ZNF385D: variants seen among roughly 807,000 people sequenced by gnomAD.
The protein encoded by ZNF385D is zinc finger protein 385D.
ZNF385D carries 15 observed loss-of-function variants against 35.8 expected under a neutral mutation model. That is an observed-to-expected ratio of 0.42 (90% CI 0.28 to 0.64). ZNF385D has a LOEUF of 0.64. Ranked by LOEUF, ZNF385D falls within the 30% of genes least tolerant of loss-of-function variation. ZNF385D has a pLI of 0.23. For missense variants in ZNF385D, 474 were observed against 494.6 expected (o/e 0.96, Z 0.39); for synonymous variants, 212 against 186.8 (o/e 1.13, Z -1.10).
intron 2 of ZNF385D, among the ~76,000 whole-genome samples, chr3:21,596,220 A>T (rs1017966262): frequency 6.6e-6 from 1 of 152,202 alleles, no homozygotes; most frequent in African/African-American, 2.4e-5. Flanking sequence ...AGGGAAGAGG[A>T]TTAATTTGAG....
chr3:21,795,936 T>A (rs2072129523), intron 3 of ZNF385D, among the ~76,000 whole-genome samples: 1 of 152,202 alleles, frequency 6.6e-6, no homozygotes, highest in Admixed American at 6.5e-5. Context: ...GCTACAAAGG[T>A]AAGTAAAAGA....
intron 1 of ZNF385D, among the ~76,000 whole-genome samples, chr3:21,738,829 T>C (rs1403552354): frequency 6.6e-6 from 1 of 152,206 alleles, no homozygotes; most frequent in Non-Finnish European, 1.5e-5. Flanking sequence ...TTATGTTGGG[T>C]CCTTTCTGCA....
At chr3:21,739,382 G>A (rs547498404) in intron 1 of ZNF385D, among the ~76,000 whole-genome samples, 34 of 152,314 alleles carry the variant, frequency 2.2e-4, no homozygotes, top group Non-Finnish European at 4.0e-4. Flanking sequence ...TTGACTGTGT[G>A]TGTTGTTTTA....
intron 2 of ZNF385D, among the ~76,000 whole-genome samples, chr3:22,282,921 G>C (rs373508979): frequency 6.6e-6 from 1 of 152,128 alleles, no homozygotes; most frequent in South Asian, 2.1e-4. Flanking sequence ...CACCAATCAA[G>C]TATCTGCTAT....
chr3:21,667,998 T>C (rs2066457442), intron 1 of ZNF385D, among the ~76,000 whole-genome samples: 1 of 152,192 alleles, frequency 6.6e-6, no homozygotes, highest in African/African-American at 2.4e-5. Flanking sequence ...TCTTCTCACC[T>C]GTTGGAAGAG....
chr3:21,886,205 C>G (rs1698538531), intron 3 of ZNF385D, among the ~76,000 whole-genome samples: 1 of 152,030 alleles, frequency 6.6e-6, no homozygotes, highest in South Asian at 2.1e-4. Flanking sequence ...AGTGGTCTGC[C>G]TATTTCATCC....
chr3:21,493,603 A>G (rs745728009), intron 4 of ZNF385D, among the ~76,000 whole-genome samples: 1 of 151,900 alleles, frequency 6.6e-6, no homozygotes, highest in African/African-American at 2.4e-5. Flanking sequence ...TTTATGGGCC[A>G]TGAACAAATC....
At chr3:21,450,506 G>A (rs17273460) in intron 4 of ZNF385D, among the ~76,000 whole-genome samples, 42,178 of 151,976 alleles carry the variant, frequency 0.28, 6,484 homozygotes, top group East Asian at 0.43. Flanking sequence ...AGTTGCTGGG[G>A]GAAAAAGAAA....
chr3:21,545,756 C>T (rs2062349790), intron 3 of ZNF385D, among the ~76,000 whole-genome samples: 1 of 152,122 alleles, frequency 6.6e-6, no homozygotes, highest in Admixed American at 6.5e-5. Flanking sequence ...TGGCCTGAGA[C>T]CCTCCTCTAC....
intron 3 of ZNF385D, among the ~76,000 whole-genome samples, chr3:21,992,240 A>G (rs1347891315): frequency 1.3e-5 from 2 of 152,174 alleles, no homozygotes; most frequent in African/African-American, 4.8e-5. Context: ...AGTAGAAGTC[A>G]AAGATCAGAA....
chr3:22,141,244 G>A (rs1488293747), intron 3 of ZNF385D, among the ~76,000 whole-genome samples: 1 of 151,906 alleles, frequency 6.6e-6, no homozygotes, highest in Non-Finnish European at 1.5e-5. Context: ...TCAGAGGGTG[G>A]CACAGCATTG....
chr3:21,913,562 CTCA>C (rs1384449521), intron 3 of ZNF385D, among the ~76,000 whole-genome samples: 1 of 152,076 alleles, frequency 6.6e-6, no homozygotes, highest in Non-Finnish European at 1.5e-5. Flanking sequence ...ATTATAGCAA[CTCA>C]TCATTTTATT....
chr3:22,080,676 GT>G (rs922444033), intron 3 of ZNF385D, among the ~76,000 whole-genome samples: 33 of 152,046 alleles, frequency 2.2e-4, no homozygotes, highest in African/African-American at 7.0e-4. Flanking sequence ...TATTCTGAAT[GT>G]TTTTTGTCCC....
At chr3:21,423,292 T>C (rs1047701960) in intron 7 of ZNF385D, among the ~76,000 whole-genome samples, 17 of 152,220 alleles carry the variant, frequency 1.1e-4, no homozygotes, top group Non-Finnish European at 2.2e-4. Flanking sequence ...CAGCATCCAA[T>C]AGTAATAAGA....
At chr3:21,656,243 C>T (rs953234775) in intron 2 of ZNF385D, among the ~76,000 whole-genome samples, 3 of 151,950 alleles carry the variant, frequency 2.0e-5, no homozygotes, top group African/African-American at 7.2e-5. Context: ...GATCAGATGG[C>T]TCTAAATATC....
intron 2 of ZNF385D, among the ~76,000 whole-genome samples, chr3:22,198,620 CTTTAA>C (rs1191815495): frequency 6.6e-6 from 1 of 151,966 alleles, no homozygotes; most frequent in Non-Finnish European, 1.5e-5. Flanking sequence ...TCTTTCAGAC[CTTTAA>C]TTTTTTTCTT....
At chr3:22,171,770 G>C (rs536532702) in intron 2 of ZNF385D, among the ~76,000 whole-genome samples, 271 of 151,534 alleles carry the variant, frequency 1.8e-3, no homozygotes, top group African/African-American at 6.3e-3. Flanking sequence ...CCAGCTACTC[G>C]GGAGGCTGAG....
At chr3:21,594,347 G>A (rs2064068524) in intron 2 of ZNF385D, among the ~76,000 whole-genome samples, 1 of 152,164 alleles carries the variant, frequency 6.6e-6, no homozygotes, top group Non-Finnish European at 1.5e-5. Flanking sequence ...CCCAGAAGCT[G>A]ACTCTGAGAC....
rs181315307 is a variant in ZNF385D, at chr3:22,130,779, T to C, written c.325+38038A>G. On this transcript the variant is annotated intron_variant, in intron 3 of 5. Transcript: ENST00000494108. ...ATGATGTTAGAACTGGGTACCATGA[T>C]TGCTCACCAGATTTTTGGTTCTTAT... Among the ~76,000 whole-genome samples, 14 of 152,282 alleles carry C rather than the reference T, an allele frequency of 9.2e-5. No homozygotes were observed. The East Asian group carries it at 1.7e-3, about 19-fold the overall frequency.
Sources: allele counts gnomAD v4.1 joint callset (sites outside exome capture counted in the v4.1 genomes callset), GRCh38; gene constraint gnomAD v4.1.1; transcripts MANE v1.5; gene names NCBI Gene and HGNC (gene_info 2026-07-23, HGNC 2026-07-21).